The following EPB41L5 variants were observed in gnomAD, a reference collection of about 807,000 sequenced individuals.
EPB41L5 encodes the protein erythrocyte membrane protein band 4.1 like 5.
A neutral mutation model predicts 106.6 loss-of-function variants in EPB41L5; 55 were observed. The observed-to-expected ratio is 0.52, with a 90% CI of 0.42 to 0.65. The LOEUF is 0.65. EPB41L5 is among the 30% of genes least tolerant of loss of function. The pLI, the probability that EPB41L5 is intolerant of heterozygous loss-of-function variation, is 0.00. For missense variants in EPB41L5, 871 were observed against 882.1 expected, an observed-to-expected ratio of 0.99 and a Z score of 0.16; for synonymous variants, 297 against 306.7, an observed-to-expected ratio of 0.97 and a Z score of 0.33.
chr2:120,092,517 T>G (rs972320756), intron 13 of EPB41L5, among the ~76,000 whole-genome samples: 1 of 152,218 alleles, frequency 6.6e-6, no homozygotes, highest in African/African-American at 2.4e-5. Context: ...ACAAATAAAT[T>G]AAACCTTGTG....
chr2:120,163,464 C>T (rs2105544487), intron 21 of EPB41L5, among the ~76,000 whole-genome samples: 1 of 151,924 alleles, frequency 6.6e-6, no homozygotes, highest in East Asian at 1.9e-4. Context: ...AAAGTATTAA[C>T]ATTTATAGGG....
rs141798705 is a variant in EPB41L5 at position 120,170,433 on chromosome 2, C to T, written c.2135+2426C>T. On this transcript the variant is annotated intron_variant, in intron 24 of 24. Transcript: ENST00000263713. ...GCTCAATGGAAGGAGAGGCACCAGC[C>T]AGAGCTCTTGGCAGGATTCAGGATC... is the stretch of plus-strand genomic sequence containing the variant. Among the ~76,000 whole-genome samples the T allele has an allele frequency of 1.3e-3, 199 of 152,280 alleles. 1 individual carries two copies. The highest frequency in any genetic ancestry group is 4.5e-3 in the African/African-American group (185 of 41,572).
intron 22 of EPB41L5, 109 bp from the exon 23 acceptor site, chr2:120,167,357 G>GA: frequency 2.2e-6 from 2 of 906,006 alleles, no homozygotes; most frequent in Non-Finnish European, 3.5e-6. Flanking sequence ...TAAGAATTAA[G>GA]AATTGCCCTC....
intron 12 of EPB41L5, among the ~76,000 whole-genome samples, chr2:120,090,858 G>A (rs1683361031): frequency 6.6e-6 from 1 of 152,172 alleles, no homozygotes; most frequent in Non-Finnish European, 1.5e-5. Flanking sequence ...CACTGAATGG[G>A]ATATTAGTCT....
chr2:120,118,454 C>T (rs759869475), intron 16 of EPB41L5, among the ~76,000 whole-genome samples: 79 of 151,962 alleles, frequency 5.2e-4, no homozygotes, highest in Non-Finnish European at 3.8e-4. Flanking sequence ...CAGATCATAC[C>T]ATCACCTGGG....
At chr2:120,125,496 A>G (rs1381651676) in intron 16 of EPB41L5, among the ~76,000 whole-genome samples, 2 of 152,150 alleles carry the variant, frequency 1.3e-5, no homozygotes, top group Non-Finnish European at 2.9e-5. Context: ...TCCCTGTGCC[A>G]CCCACACCTG....
intron 13 of EPB41L5, among the ~76,000 whole-genome samples, chr2:120,092,831 T>C (rs934822901): frequency 2.6e-5 from 4 of 152,198 alleles, no homozygotes; most frequent in African/African-American, 9.7e-5. Context: ...TTGGTTCTGT[T>C]TAAAAGGAGG....
At chr2:120,077,640 T>G (rs1456785675) in intron 9 of EPB41L5, among the ~76,000 whole-genome samples, 6 of 152,192 alleles carry the variant, frequency 3.9e-5, no homozygotes, top group Non-Finnish European at 8.8e-5. Flanking sequence ...TACTTCCTGT[T>G]ATACGACTTA....
chr2:120,087,601 C>G (rs1444776963), intron 11 of EPB41L5, among the ~76,000 whole-genome samples: 2 of 152,198 alleles, frequency 1.3e-5, no homozygotes, highest in African/African-American at 4.8e-5. Context: ...CCTGCTCACT[C>G]AGCCTCCTGA....
intron 19 of EPB41L5, among the ~76,000 whole-genome samples, chr2:120,143,819 CATATAAAATAA>C (rs1249789244): frequency 2.6e-5 from 4 of 152,136 alleles, no homozygotes; most frequent in African/African-American, 9.7e-5. Context: ...AACATATTTA[CATATAAAATAA>C]ATATAAAATA....
chr2:120,056,508 A>G (rs887661317), intron 3 of EPB41L5, among the ~76,000 whole-genome samples: 1 of 152,126 alleles, frequency 6.6e-6, no homozygotes, highest in Non-Finnish European at 1.5e-5. Context: ...CATGTTGTCC[A>G]GGCTGGTCTT....
chr2:120,167,631 A>T, intron 23 of EPB41L5, 124 bp downstream of exon 23: 2 of 1,119,210 alleles, frequency 1.8e-6, no homozygotes, highest in Non-Finnish European at 2.6e-6. Context: ...TGTTAACTGA[A>T]CTTAACTTAA....
At chr2:120,129,915 G>C (rs1156523278) in intron 17 of EPB41L5, among the ~76,000 whole-genome samples, 1 of 152,188 alleles carries the variant, frequency 6.6e-6, no homozygotes, top group African/African-American at 2.4e-5. Context: ...GGAGGCCAAG[G>C]CAGGCGGATC....
chr2:120,129,703 A>G (rs1228379113), intron 17 of EPB41L5, among the ~76,000 whole-genome samples: 1 of 152,190 alleles, frequency 6.6e-6, no homozygotes, highest in African/African-American at 2.4e-5. Flanking sequence ...ATGAAATATA[A>G]CTCTCCAAAT....
chr2:120,050,369 A>AT (rs1309746208), intron 3 of EPB41L5, among the ~76,000 whole-genome samples: 1 of 151,928 alleles, frequency 6.6e-6, no homozygotes, highest in Non-Finnish European at 1.5e-5. Context: ...ATTTCTTTTT[A>AT]TCTTTTTTCT....
chr2:120,016,606 C>T (rs1351093954), intron 1 of EPB41L5, among the ~76,000 whole-genome samples: 1 of 151,702 alleles, frequency 6.6e-6, no homozygotes, highest in Admixed American at 6.6e-5. Context: ...TAAAGGTGTT[C>T]GTTTTTATGA....
intron 18 of EPB41L5, among the ~76,000 whole-genome samples, chr2:120,135,241 G>C (rs1685873024): frequency 6.6e-6 from 1 of 152,062 alleles, no homozygotes; most frequent in African/African-American, 2.4e-5. Context: ...AAGACAGGCT[G>C]TTTGAAAATA....
intron 16 of EPB41L5, among the ~76,000 whole-genome samples, chr2:120,121,885 A>G (rs1041775524): frequency 3.1e-4 from 47 of 152,110 alleles, no homozygotes; most frequent in Non-Finnish European, 5.6e-4. Context: ...CTGGTGTGAG[A>G]TGGGATCTCA....
chr2:120,036,410 G>A (rs1225682001), intron 2 of EPB41L5, among the ~76,000 whole-genome samples: 2 of 152,292 alleles, frequency 1.3e-5, no homozygotes, highest in Admixed American at 6.5e-5. Flanking sequence ...AGTGCTAAAT[G>A]TTGCTGATAC....
Sources: gnomAD v4.1 joint callset for allele counts (sites outside exome capture counted in the v4.1 genomes callset) on GRCh38, gnomAD v4.1.1 for gene constraint, MANE v1.5 for transcripts, NCBI Gene and HGNC (gene_info 2026-07-23, HGNC 2026-07-21) for gene names.